Variants in RUFY3 observed in about 807,000 individuals in gnomAD.
RUFY3 encodes RUN and FYVE domain containing 3, also known as protein RUFY3.
Under a neutral mutation model 84.0 loss-of-function variants are expected in RUFY3, and 34 were observed. The observed-to-expected ratio is 0.40, with a 90% CI of 0.31 to 0.54. RUFY3 has a LOEUF of 0.54. Ranked by LOEUF, RUFY3 falls within the 20% of genes least tolerant of loss-of-function variation. The pLI is 0.39. For synonymous variants in RUFY3, 242 were observed against 252.9 expected (o/e 0.96, Z 0.41); for missense variants, 507 against 736.8 (o/e 0.69, Z 3.61).
At chr4:70,776,374 A>C (rs189891595) in intron 7 of RUFY3, among the ~76,000 whole-genome samples, 1 of 152,150 alleles carries the variant, frequency 6.6e-6, no homozygotes, top group Non-Finnish European at 1.5e-5. Flanking sequence ...TAGTTTTCTC[A>C]GGTTTTTTTC....
chr4:70,705,069 G>C, exon 1 of RUFY3: 5 of 1,292,744 alleles, frequency 3.9e-6, no homozygotes, highest in Non-Finnish European at 4.9e-6. Flanking sequence ...GGGCGAGGCG[G>C]GGCCGCCGCC....
At chr4:70,730,586 A>C (rs956820678) in intron 1 of RUFY3, among the ~76,000 whole-genome samples, 8 of 151,488 alleles carry the variant, frequency 5.3e-5, no homozygotes, top group South Asian at 4.2e-4. Context: ...AAAAAAAAAA[A>C]AGATTAGCTG....
chr4:70,721,420 G>GA (rs1249828100), upstream of RUFY3, among the ~76,000 whole-genome samples: 8 of 149,264 alleles, frequency 5.4e-5, no homozygotes, highest in Non-Finnish European at 9.0e-5. Context: ...TTAACTTGAA[G>GA]TTTTTTTTTT....
At chr4:70,745,048 ATTC>A (rs1279992666) in intron 1 of RUFY3, among the ~76,000 whole-genome samples, 1 of 151,498 alleles carries the variant, frequency 6.6e-6, no homozygotes, top group Non-Finnish European at 1.5e-5. Flanking sequence ...TCTGCTAGTG[ATTC>A]TTCTTGCCTC....
chr4:70,734,510 C>A, intron 1 of RUFY3: 3 of 985,368 alleles, frequency 3.0e-6, no homozygotes, highest in Non-Finnish European at 3.6e-6. Context: ...GTCTCAGAAG[C>A]CTATGGGACA....
At chr4:70,737,805 C>G (rs1215180526) in intron 1 of RUFY3, among the ~76,000 whole-genome samples, 2 of 150,980 alleles carry the variant, frequency 1.3e-5, no homozygotes, top group Admixed American at 1.3e-4. Context: ...TCCTGAGTAG[C>G]TGGGATTGCA....
chr4:70,745,241 G>C (rs1722013874), intron 1 of RUFY3, among the ~76,000 whole-genome samples: 1 of 152,154 alleles, frequency 6.6e-6, no homozygotes, highest in African/African-American at 2.4e-5. Flanking sequence ...ACCGCGCCCG[G>C]CCTGAACTAT....
At chr4:70,762,821 G>T (rs1319422382) in intron 2 of RUFY3, 129 bp downstream of exon 2, 1 of 794,982 alleles carries the variant, frequency 1.3e-6, no homozygotes, top group African/African-American at 1.7e-5. Flanking sequence ...CCATTGGAAT[G>T]CAGTCTTTTA....
intron 1 of RUFY3, among the ~76,000 whole-genome samples, chr4:70,712,655 A>G (rs934803841): frequency 1.3e-5 from 2 of 152,236 alleles, no homozygotes; most frequent in African/African-American, 2.4e-5. Flanking sequence ...TATAGATAGT[A>G]AAAAGTCTAG....
intron 14 of RUFY3, among the ~76,000 whole-genome samples, chr4:70,796,883 G>A (rs1313762657): frequency 6.6e-6 from 1 of 151,352 alleles, no homozygotes; most frequent in African/African-American, 2.4e-5. Context: ...GTTTGTTCTT[G>A]CTTCAATTTT....
chr4:70,799,206 T>C (rs1166755835), intron 14 of RUFY3, among the ~76,000 whole-genome samples: 1 of 151,438 alleles, frequency 6.6e-6, no homozygotes, highest in Non-Finnish European at 1.5e-5. Context: ...ACATCTGTCC[T>C]GCCAAGTAGA....
chr4:70,791,188 T>C lies in RUFY3; in HGVS notation c.1337+1596T>C, dbSNP rs759656780. ...GTTTCCTGTTTATCCATTTTCTCAT[T>C]CTCCTTTCACTTCATTGTCATTTTT... On this transcript the variant is annotated intron_variant, in intron 12 of 17. Coordinates refer to ENST00000381006, the MANE Select transcript of RUFY3 (RefSeq NM_001037442.4). The C allele has an allele frequency of 3.8e-6, 6 of 1,561,674 alleles. No individual in the cohort carries two copies. In the Admixed American group the frequency reaches 1.0e-4, roughly 26 times the overall value.
rs76065231 is a variant in RUFY3, at chr4:70,748,925, C to G, written c.179-13594C>G. 6.0e-3 allele frequency among the ~76,000 whole-genome samples: 909 copies of G among 152,284 alleles called. 7 individuals are homozygous for G. The highest frequency in any genetic ancestry group is 8.7e-3 in the Non-Finnish European group (595 of 68,018). On this transcript the variant is annotated intron_variant, in intron 1 of 17. Transcript: ENST00000381006. The stretch of plus-strand genomic sequence containing the variant: ...GCCCAAGAGGTCCAAGGAGGATTGT[C>G]TTCCCCAACATTTTACAGATGAAAC...
At chr4:70,804,152 AAATT>A (rs952163673) in intron 16 of RUFY3, among the ~76,000 whole-genome samples, 192 bp from the exon 17 acceptor site, 4 of 152,278 alleles carry the variant, frequency 2.6e-5, no homozygotes, top group African/African-American at 9.6e-5. Context: ...GTTATTATAA[AAATT>A]AAGAGCTGGA....
chr4:70,762,395 C>T, intron 1 of RUFY3, 124 bp from the exon 2 acceptor site: 1 of 789,678 alleles, frequency 1.3e-6, no homozygotes, highest in Non-Finnish European at 2.0e-6. Context: ...TGAGGATATT[C>T]TTAAAGGAAA....
chr4:70,766,896 T>C (rs981780197), intron 4 of RUFY3, among the ~76,000 whole-genome samples: 2 of 152,212 alleles, frequency 1.3e-5, no homozygotes, highest in Non-Finnish European at 2.9e-5. Flanking sequence ...TTCATCTCTC[T>C]GTCCTCCAAC....
At chr4:70,778,996 G>A (rs564560752) in intron 8 of RUFY3, among the ~76,000 whole-genome samples, 26 of 152,268 alleles carry the variant, frequency 1.7e-4, no homozygotes, top group African/African-American at 6.0e-4. Flanking sequence ...GGTTTCTTTC[G>A]TGTGCATGTT....
intron 8 of RUFY3, among the ~76,000 whole-genome samples, chr4:70,781,828 G>C (rs1295890789): frequency 6.6e-6 from 1 of 152,206 alleles, no homozygotes; most frequent in Non-Finnish European, 1.5e-5. Context: ...CTGGCTGAGA[G>C]GAGCCTGCTT....
At chr4:70,794,000 C>A in intron 13 of RUFY3, 96 bp downstream of exon 13, 1 of 1,408,648 alleles carries the variant, frequency 7.1e-7, no homozygotes, top group Non-Finnish European at 9.6e-7. Context: ...GCCAGGTTGG[C>A]TCTGTCTTTG....
Sources: allele counts gnomAD v4.1 joint callset (sites outside exome capture counted in the v4.1 genomes callset), GRCh38; gene constraint gnomAD v4.1.1; transcripts MANE v1.5; gene names NCBI Gene and HGNC (gene_info 2026-07-23, HGNC 2026-07-21).